Variants in ATP6V0E2 observed in about 807,000 individuals in gnomAD.
The protein encoded by ATP6V0E2 is V-type proton ATPase subunit e 2.
In ATP6V0E2, 4 loss-of-function variants were observed where a neutral mutation model predicts 11.5. That is an observed-to-expected ratio of 0.35 (90% CI 0.17 to 0.80). The LOEUF (loss-of-function observed/expected upper bound fraction) is 0.80. ATP6V0E2 is among the 30% of genes least tolerant of loss of function. ATP6V0E2 has a pLI of 0.53. For synonymous variants in ATP6V0E2, 52 were observed against 51.0 expected (o/e 1.02, Z -0.09); for missense variants, 93 against 113.5 (o/e 0.82, Z 0.82).
chr7:149,878,441 G>A (rs6947062), intron 2 of ATP6V0E2, among the ~76,000 whole-genome samples: 60,847 of 152,044 alleles, frequency 0.4, 14,419 homozygotes, highest in African/African-American at 0.67. Context: ...GCCCCAACTC[G>A]GGGATCCTGC....
rs1803391595 is a variant in ATP6V0E2, at chr7:149,880,215, C to T, written c.*900C>T. ...CTCCTGAGCCAGCCCCGCCCTCTGC[C>T]CCCTGGCCCTGGGCTCTGTGCTAGG... On this transcript the variant is annotated 3_prime_UTR_variant, in exon 4 of 4. Transcript: ENST00000425642. The T allele has an allele frequency of 6.5e-6, 1 of 153,072 alleles. No homozygotes were observed. Among genetic ancestry groups the T allele is most frequent in the Non-Finnish European group, 1.5e-5 (1 of 68,640 alleles). The allele number at this position is 153,072 out of a possible 1,614,324, so 9.5% of individuals were successfully genotyped here.
chr7:149,877,017 C>G (rs926323564), intron 2 of ATP6V0E2, among the ~76,000 whole-genome samples: 1 of 152,068 alleles, frequency 6.6e-6, no homozygotes, highest in South Asian at 2.1e-4. Context: ...GTCATGGATT[C>G]TTTATTCCTA....
intron 2 of ATP6V0E2, among the ~76,000 whole-genome samples, chr7:149,876,684 A>G (rs1473292456): frequency 6.6e-6 from 1 of 152,192 alleles, no homozygotes; most frequent in Non-Finnish European, 1.5e-5. Flanking sequence ...TTCAAGTTCT[A>G]GTTTGTTGGG....
At chr7:149,875,854 GC>G (rs1563136616) in intron 2 of ATP6V0E2, 2 of 684,344 alleles carry the variant, frequency 2.9e-6, no homozygotes, top group East Asian at 5.5e-5. Context: ...ATCTGGCTCT[GC>G]CCCCAGAGTT....
Position 149,878,794 on chromosome 7 carries a change from C to CCCAGG in ATP6V0E2, c.*19+4_*19+5insCCAGG. On this transcript the variant is annotated splice_donor_region_variant and intron_variant, in intron 3 of 3. Transcript: ENST00000425642. ...TGACCCGCCGCCCCCGACCCAGGTA[C>CCCAGG]TGTGTGGGCGAGGGGTGTGGGTGGG... 5.0e-6 allele frequency: 8 copies of CCCAGG among 1,612,036 alleles called. No individual in the cohort carries two copies. The highest frequency in any genetic ancestry group is 5.9e-6 in the Non-Finnish European group (7 of 1,179,496).
chr7:149,876,730 C>T (rs1803164988), intron 2 of ATP6V0E2, among the ~76,000 whole-genome samples: 1 of 152,180 alleles, frequency 6.6e-6, no homozygotes, highest in Admixed American at 6.5e-5. Context: ...TGCATTAAGG[C>T]TGTTGGGTTT....
intron 1 of ATP6V0E2, 40 bp from the exon 2 acceptor site, chr7:149,875,558 T>C: frequency 6.2e-7 from 1 of 1,612,034 alleles, no homozygotes; most frequent in Non-Finnish European, 8.5e-7. Context: ...TGTGAGGTGC[T>C]GGCTGCATTT....
chr7:149,879,342 G>C lies in ATP6V0E2; in HGVS notation c.*27G>C. 3 of 1,537,632 alleles carry C rather than the reference G, an allele frequency of 2.0e-6. No homozygotes were observed. The highest frequency in any genetic ancestry group is 2.5e-5 in the South Asian group (2 of 79,504). On this transcript the variant is annotated 3_prime_UTR_variant, in exon 4 of 4. Coordinates refer to ENST00000425642, the MANE Select transcript of ATP6V0E2 (RefSeq NM_145230.4). ...ATGTGATGTGCTTTTCAGGTGCCCA[G>C]CTCTCGGAATGACTGTGGCTCCACT...
rs752555682 is a variant in ATP6V0E2, at chr7:149,879,565, C to T, written c.*250C>T. ...CGAGGGGATGTCCTGCTCCAATACC[C>T]GCACTGCTCTGGAGTTTGCCCTCTT... On this transcript the variant is annotated 3_prime_UTR_variant, in exon 4 of 4. Transcript: ENST00000425642. The T allele has an allele frequency of 6.5e-6, 10 of 1,537,388 alleles. No homozygotes were observed. The East Asian group carries it at 1.9e-4, about 29-fold the overall frequency.
At chr7:149,873,845 G>C (rs1003111054), upstream of ATP6V0E2, 2 of 1,444,500 alleles carry the variant, frequency 1.4e-6, no homozygotes, top group African/African-American at 2.9e-5. Context: ...CTCTGTCCGC[G>C]GCCCTGCTCA....
chr7:149,874,225 T>C, intron 1 of ATP6V0E2, 56 bp downstream of exon 1: 1 of 1,496,058 alleles, frequency 6.7e-7, no homozygotes, highest in Non-Finnish European at 8.9e-7. Flanking sequence ...CTGGCCCGGC[T>C]CGCCCCTCCG....
At chr7:149,876,136 G>A (rs1803119700) in intron 2 of ATP6V0E2, 1 of 455,066 alleles carries the variant, frequency 2.2e-6, no homozygotes, top group Admixed American at 2.3e-5. Context: ...CCAGCACTTT[G>A]GGAGGCTGAG....
Position 149,878,775 on chromosome 7 carries a change from G to T in ATP6V0E2, c.*4G>T. On this transcript the variant is annotated 3_prime_UTR_variant, in exon 3 of 4. Coordinates refer to ENST00000425642, the MANE Select transcript of ATP6V0E2 (RefSeq NM_145230.4). ...CGTGCGCTTCCTGTGGGAGTGACCCGCCGCCCCCGACCCAGGTACTGTGTG... is the reference window on the plus strand; with the variant it reads ...CGTGCGCTTCCTGTGGGAGTGACCCTCCGCCCCCGACCCAGGTACTGTGTG... The T allele has an allele frequency of 6.2e-7, 1 of 1,612,744 alleles. No individual in the cohort carries two copies. Among genetic ancestry groups the T allele is most frequent in the Non-Finnish European group, 8.5e-7 (1 of 1,179,798 alleles).
chr7:149,880,223 C>T lies in ATP6V0E2; in HGVS notation c.*908C>T, dbSNP rs1377344067. 6.5e-6 allele frequency: 1 copy of T among 153,064 alleles called. No individual in the cohort carries two copies. The highest frequency in any genetic ancestry group is 1.5e-5 in the Non-Finnish European group (1 of 68,732). The allele number at this position is 153,064 out of a possible 1,614,324, so 9.5% of individuals were successfully genotyped here. ...CCAGCCCCGCCCTCTGCCCCCTGGCCCTGGGCTCTGTGCTAGGGATGGTGA... is the reference window on the plus strand; with the variant it reads ...CCAGCCCCGCCCTCTGCCCCCTGGCTCTGGGCTCTGTGCTAGGGATGGTGA... On this transcript the variant is annotated 3_prime_UTR_variant, in exon 4 of 4. Transcript: ENST00000425642.
rs781153128 is a variant in ATP6V0E2, at chr7:149,879,684, C to T, written c.*369C>T. ...AGGACTCAGCCCATCCTGAGGAGGA[C>T]ACGTGTCCTCATGGAGAGGGTGCTC... On this transcript the variant is annotated 3_prime_UTR_variant, in exon 4 of 4. Coordinates refer to ENST00000425642, the MANE Select transcript of ATP6V0E2 (RefSeq NM_145230.4). 1.4e-6 allele frequency: 2 copies of T among 1,412,658 alleles called. No individual in the cohort carries two copies. Among genetic ancestry groups the T allele is most frequent in the East Asian group, 2.7e-5 (1 of 37,124 alleles). 87.5% of individuals were successfully genotyped at this position (1,412,658 alleles called of 1,614,324 possible). A position where few individuals can be genotyped will look rare whatever the true frequency, so the allele number is the denominator to read the frequency against.
rs1363260081 is a variant in ATP6V0E2, at chr7:149,874,019, G to A, written c.-47G>A. ...GGCTGGGGACCCGCGCACCTGCAGC[G>A]CCCGCTGCTCGGCCCTGCATCCTGC... On this transcript the variant is annotated 5_prime_UTR_variant, in exon 1 of 4. Coordinates refer to ENST00000425642, the MANE Select transcript of ATP6V0E2 (RefSeq NM_145230.4). 1 of 1,547,570 alleles carries A rather than the reference G, an allele frequency of 6.5e-7. No homozygotes were observed. The highest frequency in any genetic ancestry group is 2.4e-5 in the East Asian group (1 of 40,830).
upstream of ATP6V0E2, chr7:149,873,800 A>T (rs1449315685): frequency 7.2e-7 from 1 of 1,386,856 alleles, no homozygotes; most frequent in Non-Finnish European, 9.4e-7. Context: ...CATCGCCGAA[A>T]CCGGGCGGCC....
Position 149,879,343 on chromosome 7 carries a change from C to G in ATP6V0E2, c.*28C>G. The G allele has an allele frequency of 6.5e-7, 1 of 1,538,306 alleles. No homozygotes were observed. The highest frequency in any genetic ancestry group is 1.3e-5 in the South Asian group (1 of 79,618). On this transcript the variant is annotated 3_prime_UTR_variant, in exon 4 of 4. Coordinates refer to ENST00000425642, the MANE Select transcript of ATP6V0E2 (RefSeq NM_145230.4). The stretch of plus-strand genomic sequence containing the variant: ...TGTGATGTGCTTTTCAGGTGCCCAG[C>G]TCTCGGAATGACTGTGGCTCCACTG...
chr7:149,877,877 A>G (rs904636388), intron 2 of ATP6V0E2, among the ~76,000 whole-genome samples: 2 of 152,284 alleles, frequency 1.3e-5, no homozygotes, highest in East Asian at 3.9e-4. Flanking sequence ...CAAAACATAA[A>G]CTCGGAGAGA....
Sources: gnomAD v4.1 joint callset for allele counts (sites outside exome capture counted in the v4.1 genomes callset) on GRCh38, gnomAD v4.1.1 for gene constraint, MANE v1.5 for transcripts, NCBI Gene and HGNC (gene_info 2026-07-23, HGNC 2026-07-21) for gene names.